Variants in FAM120B observed in about 807,000 individuals in gnomAD.
The protein encoded by FAM120B is family with sequence similarity 120 member B.
FAM120B carries 83 observed loss-of-function variants against 96.3 expected under a neutral mutation model. That is an observed-to-expected ratio of 0.86 (90% CI 0.72 to 1.03). The LOEUF (loss-of-function observed/expected upper bound fraction) is 1.03. Ranked by LOEUF, FAM120B falls within the 50% of genes least tolerant of loss-of-function variation. FAM120B has a pLI of 0.00. For missense variants in FAM120B, 1,027 were observed against 1,121.2 expected (o/e 0.92, Z 1.20); for synonymous variants, 407 against 402.7 (o/e 1.01, Z -0.13).
rs1227791422 is a variant in FAM120B at position 170,328,006 on chromosome 6, G to C, written c.1916-2443G>C. ...CACTGCTGTAGGTTTTATACATACT[G>C]CACATTTAGGGCTATAATACATTCA... On this transcript the variant is annotated intron_variant, in intron 3 of 10. Transcript: ENST00000476287. 2.0e-5 allele frequency among the ~76,000 whole-genome samples: 3 copies of C among 152,236 alleles called. No individual in the cohort carries two copies. The East Asian group carries it at 5.8e-4, about 29-fold the overall frequency.
chr6:170,291,149 GC>G, upstream of FAM120B: 1 of 379,188 alleles, frequency 2.6e-6, no homozygotes. Flanking sequence ...CCCTGCCCCC[GC>G]CCCCAGCCCC....
chr6:170,334,133 T>C (rs1420450197), intron 4 of FAM120B, among the ~76,000 whole-genome samples: 2 of 152,212 alleles, frequency 1.3e-5, no homozygotes, highest in Non-Finnish European at 2.9e-5. Flanking sequence ...TTTTTTTCTC[T>C]TCTAAGTGTT....
Position 170,317,675 on chromosome 6 carries a change from G to A in FAM120B, c.285G>A (p.Gln95=), listed in dbSNP as rs757287763. 1 of 1,614,054 alleles carries A rather than the reference G, an allele frequency of 6.2e-7. No individual in the cohort carries two copies. The highest frequency in any genetic ancestry group is 1.3e-5 in the African/African-American group (1 of 74,884). ...TCTTCTTTGATGGCATGGTGGAGCA[G>A]GATAAGAGAGATGAATGGGTGAAAC... ...LIFFFDGMVE[Q]DKRDEWVKRR... The change falls in exon 2 of 11, where the codon CAG becomes CAA. Residue 95 remains glutamine, a synonymous_variant. Coordinates refer to ENST00000476287, the MANE Select transcript of FAM120B (RefSeq NM_032448.3).
In FAM120B at chr6:170,376,756, G is replaced by T. The variant is rs555437586; in HGVS notation, c.2284-11531G>T. On this transcript the variant is annotated intron_variant, in intron 6 of 10. Coordinates refer to ENST00000476287, the MANE Select transcript of FAM120B (RefSeq NM_032448.3). Reference sequence around the variant, plus strand: ...CGTTCGAATGTGAACCGAAAATCTGGACTAGCCAGATGGGAACATGGAGAG... The same window carrying T: ...CGTTCGAATGTGAACCGAAAATCTGTACTAGCCAGATGGGAACATGGAGAG... Among the ~76,000 whole-genome samples, 5 of 152,356 alleles carry T rather than the reference G, an allele frequency of 3.3e-5. No individual in the cohort carries two copies. The South Asian group carries it at 8.3e-4, about 25-fold the overall frequency.
intron 6 of FAM120B, among the ~76,000 whole-genome samples, chr6:170,380,944 G>C (rs1201993097): frequency 6.6e-6 from 1 of 152,194 alleles, no homozygotes; most frequent in East Asian, 1.9e-4. Flanking sequence ...CAATTTTGGA[G>C]CTGCCTCCAG....
rs116340870 is a variant in FAM120B, at chr6:170,393,114, C to G, written c.2599+1993C>G. Reference sequence around the variant, plus strand: ...ATCACTTAAGGCCAGGAGTTTGACACTGGCCTGAGAAACATAGCGAGACCC... The same window carrying G: ...ATCACTTAAGGCCAGGAGTTTGACAGTGGCCTGAGAAACATAGCGAGACCC... On this transcript the variant is annotated intron_variant, in intron 8 of 10. Transcript: ENST00000476287. Among the ~76,000 whole-genome samples, 216 of 138,676 alleles carry G rather than the reference C, an allele frequency of 1.6e-3. 1 individual carries two copies. Among genetic ancestry groups the G allele is most frequent in the Middle Eastern group, 0.013 (3 of 230 alleles). The allele number at this position is 138,676 out of a possible 152,430, so 91.0% of individuals were successfully genotyped here.
chr6:170,404,301 C>G, intron 9 of FAM120B: 1 of 470,710 alleles, frequency 2.1e-6, no homozygotes, highest in Non-Finnish European at 3.8e-6. Flanking sequence ...ATGGATGGAG[C>G]TGGTGTGAAG....
intron 9 of FAM120B, among the ~76,000 whole-genome samples, chr6:170,403,598 A>AAG (rs1778692696): frequency 6.6e-6 from 1 of 152,158 alleles, no homozygotes. Context: ...AAGGCCTCAG[A>AAG]GCTCAGTGCA....
chr6:170,290,753 G>T, upstream of FAM120B: 1 of 458,852 alleles, frequency 2.2e-6, no homozygotes. This position sits in a 1 kb window ranked among gnomAD's most constrained non-coding sequence, Gnocchi z 4.7. Flanking sequence ...TCCGATCTCC[G>T]GTGTCACAGC....
chr6:170,393,737 G>A (rs537622705), intron 8 of FAM120B, among the ~76,000 whole-genome samples: 6 of 152,272 alleles, frequency 3.9e-5, no homozygotes, highest in African/African-American at 1.4e-4. Flanking sequence ...CTGATTCTTC[G>A]TTGCAGAACT....
chr6:170,312,848 G>A (rs550695160), intron 1 of FAM120B, among the ~76,000 whole-genome samples: 184 of 152,306 alleles, frequency 1.2e-3, no homozygotes, highest in African/African-American at 4.2e-3. Flanking sequence ...AGAGTGAAGG[G>A]GTGAGGGGAT....
At chr6:170,346,440 A>G (rs1237365738) in intron 4 of FAM120B, among the ~76,000 whole-genome samples, 1 of 152,228 alleles carries the variant, frequency 6.6e-6, no homozygotes, top group Non-Finnish European at 1.5e-5. Flanking sequence ...TGATTTTCAA[A>G]ATCGTTAGTA....
chr6:170,381,242 G>A (rs114421567), intron 6 of FAM120B, among the ~76,000 whole-genome samples: 2,204 of 152,132 alleles, frequency 0.014, 54 homozygotes, highest in African/African-American at 0.051. Flanking sequence ...AAGAAGAAAG[G>A]GAAGCACCAT....
chr6:170,336,237 A>T (rs1389221798), intron 4 of FAM120B, among the ~76,000 whole-genome samples: 1 of 152,164 alleles, frequency 6.6e-6, no homozygotes, highest in Non-Finnish European at 1.5e-5. Flanking sequence ...AGGTATAAGG[A>T]AGGGGTCCAG....
chr6:170,397,473 G>C (rs1454567506), intron 9 of FAM120B, among the ~76,000 whole-genome samples: 1 of 152,154 alleles, frequency 6.6e-6, no homozygotes, highest in Non-Finnish European at 1.5e-5. Flanking sequence ...AGGTGGGCTA[G>C]ACTTGGAGGG....
chr6:170,309,101 G>GTT lies in FAM120B; in HGVS notation c.-22+2260_-22+2261dup, dbSNP rs879259203. On this transcript the variant is annotated intron_variant, in intron 1 of 10. Coordinates refer to ENST00000476287, the MANE Select transcript of FAM120B (RefSeq NM_032448.3). ...AACTCTTAACTCCATGGAAACTAGGGTTATACACTGTGTAAATTCACACAG... is the reference window on the plus strand; with the variant it reads ...AACTCTTAACTCCATGGAAACTAGGGTTTTATACACTGTGTAAATTCACACAG... Among the ~76,000 whole-genome samples the GTT allele has an allele frequency of 7.9e-5, 12 of 152,138 alleles. 1 individual carries two copies. The highest frequency in any genetic ancestry group is 5.2e-4 in the Admixed American group (8 of 15,280).
intron 9 of FAM120B, among the ~76,000 whole-genome samples, chr6:170,401,942 A>G (rs916574269): frequency 1.1e-5 from 1 of 92,292 alleles, no homozygotes; most frequent in Non-Finnish European, 2.6e-5. Context: ...CTTTGGATGC[A>G]TGAGTGGCCA....
At chr6:170,381,291 A>G (rs1562587026) in intron 6 of FAM120B, among the ~76,000 whole-genome samples, 1 of 152,242 alleles carries the variant, frequency 6.6e-6, no homozygotes, top group African/African-American at 2.4e-5. Flanking sequence ...ACTTAGATGT[A>G]GGGGCCAAAT....
upstream of FAM120B, among the ~76,000 whole-genome samples, chr6:170,292,219 A>G (rs1298414655): frequency 2.0e-5 from 3 of 152,182 alleles, no homozygotes; most frequent in Non-Finnish European, 4.4e-5. The surrounding 1 kb of genome is among the most constrained non-coding windows in gnomAD (Gnocchi z 6.6). Context: ...CACGTCCATC[A>G]GACACTAGAA....
Sources: gnomAD v4.1 joint callset for allele counts (sites outside exome capture counted in the v4.1 genomes callset) on GRCh38, gnomAD v4.1.1 for gene constraint, Gnocchi (gnomAD v3.1) non-coding constraint, MANE v1.5 for transcripts, NCBI Gene and HGNC (gene_info 2026-07-23, HGNC 2026-07-21) for gene names.